PARD3B: variants seen among roughly 807,000 people sequenced by gnomAD.
PARD3B encodes the protein partitioning defective 3 homolog B.
In PARD3B, 103 loss-of-function variants were observed where a neutral mutation model predicts 130.2. The observed-to-expected ratio is 0.79, with a 90% CI of 0.67 to 0.93. The LOEUF (loss-of-function observed/expected upper bound fraction) is 0.93, where lower values mean the gene tolerates loss of function less well. Among genes scored for constraint, PARD3B ranks in the 40% least tolerant of loss-of-function variants. PARD3B has a pLI of 0.00. For missense variants in PARD3B, 1,609 were observed against 1,499.2 expected, an observed-to-expected ratio of 1.07 and a Z score of -1.21; for synonymous variants, 583 against 553.2, an observed-to-expected ratio of 1.05 and a Z score of -0.76.
At chr2:205,210,215 A>T (rs947302295) in intron 15 of PARD3B, among the ~76,000 whole-genome samples, 5 of 152,122 alleles carry the variant, frequency 3.3e-5, no homozygotes, top group South Asian at 2.1e-4. Flanking sequence ...AAAAAATTTT[A>T]AAAATAAATA....
chr2:205,070,600 A>G (rs527574821), intron 4 of PARD3B, among the ~76,000 whole-genome samples: 2 of 152,284 alleles, frequency 1.3e-5, no homozygotes, highest in Admixed American at 1.3e-4. Flanking sequence ...TAGCAATACT[A>G]TATCATAGGT....
rs983627337 is a variant in PARD3B, at chr2:205,309,834, G to A, written c.2630+8133G>A. On this transcript the variant is annotated intron_variant, in intron 18 of 22. Coordinates refer to ENST00000406610, the MANE Select transcript of PARD3B (RefSeq NM_001302769.2). This position sits in a 1 kb window ranked among gnomAD's most constrained non-coding sequence, Gnocchi z 4.7. ...GGTTGTTGTAAAATTTAAGTTAAAC[G>A]GTTTAGGTAAGCAAAGCTGTCAGTG... is the stretch of plus-strand genomic sequence containing the variant. 6.6e-6 allele frequency among the ~76,000 whole-genome samples: 1 copy of A among 151,998 alleles called. No homozygotes were observed. The highest frequency in any genetic ancestry group is 1.5e-5 in the Non-Finnish European group (1 of 68,004).
chr2:204,662,240 A>G (rs1245087165), intron 1 of PARD3B, among the ~76,000 whole-genome samples: 1 of 152,184 alleles, frequency 6.6e-6, no homozygotes, highest in Non-Finnish European at 1.5e-5. Context: ...ATTTATTAAT[A>G]TTACCACTGA....
chr2:205,610,228 G>A (rs1375468070), intron 22 of PARD3B, among the ~76,000 whole-genome samples: 1 of 152,104 alleles, frequency 6.6e-6, no homozygotes, highest in Non-Finnish European at 1.5e-5. Context: ...GGGACAGAGG[G>A]AACAGGACAC....
rs145835433 is a variant in PARD3B, at chr2:205,463,727, C to G, written c.3044+23055C>G. 0.02 allele frequency among the ~76,000 whole-genome samples: 2,985 copies of G among 152,248 alleles called. 38 individuals carry two copies. The highest frequency in any genetic ancestry group is 0.026 in the Non-Finnish European group (1,750 of 68,022). On this transcript the variant is annotated intron_variant, in intron 20 of 22. Transcript: ENST00000406610. The surrounding 1 kb of genome is among the most constrained non-coding windows in gnomAD (Gnocchi z 4.8). ...TATGTTTATAGGCCAGTCACTTGCA[C>G]GCTGAGACTGAAATCCTGAAAGATT...
At chr2:205,524,015 C>T (rs2051220243) in intron 21 of PARD3B, among the ~76,000 whole-genome samples, 1 of 151,486 alleles carries the variant, frequency 6.6e-6, no homozygotes, top group Non-Finnish European at 1.5e-5. Flanking sequence ...GGTTTTTTTC[C>T]TGAAAATTCT....
chr2:204,627,623 A>C (rs186734835), intron 1 of PARD3B, among the ~76,000 whole-genome samples: 18 of 152,266 alleles, frequency 1.2e-4, no homozygotes, highest in Non-Finnish European at 1.3e-4. Flanking sequence ...TATTTCACTA[A>C]GCTTAATGTT....
intron 2 of PARD3B, among the ~76,000 whole-genome samples, chr2:204,805,361 A>G (rs989806279): frequency 6.6e-6 from 1 of 152,172 alleles, no homozygotes; most frequent in Non-Finnish European, 1.5e-5. Flanking sequence ...AGATTGAACC[A>G]TGAAGAAATC....
chr2:205,204,052 A>C (rs999123475), intron 15 of PARD3B, among the ~76,000 whole-genome samples: 3 of 152,198 alleles, frequency 2.0e-5, no homozygotes, highest in African/African-American at 4.8e-5. Flanking sequence ...TGGCTGAACT[A>C]ATTTATACTC....
chr2:205,181,939 G>A lies in PARD3B; in HGVS notation c.1925-3825G>A, dbSNP rs140156262. Among the ~76,000 whole-genome samples, 13 of 152,276 alleles carry A rather than the reference G, an allele frequency of 8.5e-5. No homozygotes were observed. In the East Asian group the frequency reaches 2.5e-3, roughly 29 times the overall value. ...TACACTGAAACAAGGGCTTAACAAAGGTGTCTGGGCCCAGAAGAAAATAAA... is the reference window on the plus strand; with the variant it reads ...TACACTGAAACAAGGGCTTAACAAAAGTGTCTGGGCCCAGAAGAAAATAAA... On this transcript the variant is annotated intron_variant, in intron 13 of 22. Transcript: ENST00000406610.
chr2:205,464,714 G>T (rs375357251), intron 20 of PARD3B, among the ~76,000 whole-genome samples: 8 of 152,234 alleles, frequency 5.3e-5, no homozygotes, highest in African/African-American at 1.9e-4. Context: ...CTGCTTCTAG[G>T]CAGAAGACCC....
chr2:204,843,479 T>C (rs1328655271), intron 2 of PARD3B, among the ~76,000 whole-genome samples: 1 of 152,088 alleles, frequency 6.6e-6, no homozygotes, highest in Non-Finnish European at 1.5e-5. Context: ...AACCTCCACC[T>C]GTGGGGTTCA....
Position 205,463,758 on chromosome 2 carries a change from C to G in PARD3B, c.3044+23086C>G, listed in dbSNP as rs1160632379. Among the ~76,000 whole-genome samples, 2 of 152,290 alleles carry G rather than the reference C, an allele frequency of 1.3e-5. No homozygotes were observed. The highest frequency in any genetic ancestry group is 2.9e-5 in the Non-Finnish European group (2 of 68,034). Reference sequence around the variant, plus strand: ...GACTGAAATCCTGAAAGATTGTGGCCTGTTTACTGGGAGAGCATTTTAACA... The same window carrying G: ...GACTGAAATCCTGAAAGATTGTGGCGTGTTTACTGGGAGAGCATTTTAACA... On this transcript the variant is annotated intron_variant, in intron 20 of 22. Transcript: ENST00000406610. The surrounding 1 kb of genome is among the most constrained non-coding windows in gnomAD (Gnocchi z 4.8).
intron 3 of PARD3B, among the ~76,000 whole-genome samples, chr2:205,018,151 A>G (rs1211603844): frequency 1.3e-5 from 2 of 152,166 alleles, no homozygotes; most frequent in African/African-American, 4.8e-5. Flanking sequence ...ATATGTCTAC[A>G]TATTTACCTT....
At chr2:205,528,496 C>A (rs571987199) in intron 21 of PARD3B, among the ~76,000 whole-genome samples, 7 of 145,018 alleles carry the variant, frequency 4.8e-5, no homozygotes, top group Non-Finnish European at 1.1e-4. Context: ...ATGACACAAT[C>A]TTTTTTTTTT....
intron 1 of PARD3B, among the ~76,000 whole-genome samples, chr2:204,614,262 A>T (rs1024392142): frequency 6.6e-6 from 1 of 152,190 alleles, no homozygotes; most frequent in African/African-American, 2.4e-5. Context: ...TTTCCCAATA[A>T]ATCCAAAATA....
chr2:205,035,803 ATATATATATATATATATCTATATATC>A lies in PARD3B; in HGVS notation c.395-11761_395-11736del, dbSNP rs1436944891. ...TCGGAGTCAGAGATATATCTCATAT[ATATATATATATATATATCTATATATC>A]TATATATATATATATAGTGGGCTAT... On this transcript the variant is annotated intron_variant, in intron 3 of 22. Coordinates refer to ENST00000406610, the MANE Select transcript of PARD3B (RefSeq NM_001302769.2). 6.9e-3 allele frequency among the ~76,000 whole-genome samples: 39 copies of A among 5,692 alleles called. 3 individuals are homozygous for A. Among genetic ancestry groups the A allele is most frequent in the Admixed American group, 0.02 (9 of 456 alleles). The allele number at this position is 5,692 out of a possible 152,430, so 3.7% of individuals were successfully genotyped here. A position where few individuals can be genotyped will look rare whatever the true frequency, so the allele number is the denominator to read the frequency against.
chr2:205,536,622 C>T (rs897295204), intron 21 of PARD3B, among the ~76,000 whole-genome samples: 5 of 152,114 alleles, frequency 3.3e-5, no homozygotes, highest in Non-Finnish European at 5.9e-5. Flanking sequence ...TTTCTCATGA[C>T]CCTTGAGGAA....
At chr2:204,944,113 T>C (rs1033084043) in intron 2 of PARD3B, among the ~76,000 whole-genome samples, 1 of 152,120 alleles carries the variant, frequency 6.6e-6, no homozygotes, top group Non-Finnish European at 1.5e-5. Flanking sequence ...GTGGCACAAA[T>C]TCAAAATGAA....
Sources: allele counts gnomAD v4.1 joint callset (sites outside exome capture counted in the v4.1 genomes callset), GRCh38; gene constraint gnomAD v4.1.1; non-coding constraint Gnocchi (gnomAD v3.1); transcripts MANE v1.5; gene names NCBI Gene and HGNC (gene_info 2026-07-23, HGNC 2026-07-21).